Variants in NFATC2 observed in about 807,000 individuals in gnomAD.
The protein encoded by NFATC2 is nuclear factor of activated T cells 2.
A neutral mutation model predicts 87.3 loss-of-function variants in NFATC2; 22 were observed. The ratio of observed to expected loss-of-function variants is 0.25; its 90% CI spans 0.18 to 0.36. The LOEUF (loss-of-function observed/expected upper bound fraction) is 0.36. NFATC2 is among the 10% of genes least tolerant of loss of function. The pLI is 1.00. For missense variants in NFATC2, 1,149 were observed against 1,259.1 expected (o/e 0.91, Z 1.32); for synonymous variants, 565 against 542.2 (o/e 1.04, Z -0.58).
chr20:51,523,290 C>G lies in NFATC2; in HGVS notation c.951G>C (p.Gly317=). Residue 317 remains glycine, a synonymous_variant, in exon 2 of 11, where the codon GGG becomes GGC. Coordinates refer to ENST00000371564, the MANE Select transcript of NFATC2 (RefSeq NM_012340.5). This position sits in a 1 kb window ranked among gnomAD's most constrained non-coding sequence, Gnocchi z 6.9. ...LNSLATDSPC[G]IPPKMWKTSP... is the part of the protein sequence containing the mutation. ...TGGTCTTCCACATCTTGGGGGGGAT[C>G]CCACAAGGCGAGTCCGTGGCGAGGC... 1 of 1,613,832 alleles carries G rather than the reference C, an allele frequency of 6.2e-7. No homozygotes were observed. The highest frequency in any genetic ancestry group is 8.5e-7 in the Non-Finnish European group (1 of 1,179,834).
chr20:51,561,594 C>T (rs2077033772), intron 1 of NFATC2, among the ~76,000 whole-genome samples: 1 of 129,884 alleles, frequency 7.7e-6, no homozygotes, highest in Non-Finnish European at 1.6e-5. Context: ...ACACCCCGAA[C>T]TTTAATCAGC....
rs759968411 is a variant in NFATC2 at position 51,523,893 on chromosome 20, A to G, written c.348T>C (p.Thr116=). The G allele has an allele frequency of 5.0e-6, 8 of 1,605,690 alleles. No individual in the cohort carries two copies. The South Asian group carries it at 7.8e-5, about 16-fold the overall frequency. Residue 116 remains threonine (T), a synonymous_variant, in exon 2 of 11, where the codon ACT becomes ACC. Coordinates refer to ENST00000371564, the MANE Select transcript of NFATC2 (RefSeq NM_012340.5). The surrounding 1 kb of genome is among the most constrained non-coding windows in gnomAD (Gnocchi z 6.9). The stretch of plus-strand genomic sequence containing the variant: ...CTGCCTGGATCAGTTCGTGGGACGG[A>G]GTGATCTCGATCCGAGGGCTCAGGC... ...ASGLSPRIEI[T]PSHELIQAVG...
intron 9 of NFATC2, among the ~76,000 whole-genome samples, chr20:51,427,508 T>C (rs1982020733): frequency 6.6e-6 from 1 of 152,194 alleles, no homozygotes; most frequent in Non-Finnish European, 1.5e-5. Context: ...ATCATGCTCC[T>C]GTCACGGGAT....
At position 51,432,626 on chromosome 20, in the gene NFATC2, G is replaced by A; in HGVS notation, c.2163C>T (p.Leu721=). 4 of 1,532,818 alleles carry A rather than the reference G, an allele frequency of 2.6e-6. No individual in the cohort carries two copies. Among genetic ancestry groups the A allele is most frequent in the African/African-American group, 1.4e-5 (1 of 72,440 alleles). The allele number at this position is 1,532,818 out of a possible 1,614,324, so 95.0% of individuals were successfully genotyped here. ...HPMVAESPSC[L]VATMAPCQQF... is the part of the protein sequence containing the mutation. ...GCTGGCAGGGAGCCATGGTGGCCAC[G>A]AGGCAGGAGGGGGACTCGGCCACCA... Residue 721 remains leucine, a synonymous_variant, in exon 9 of 11, where the codon CTC becomes CTT. Coordinates refer to ENST00000371564, the MANE Select transcript of NFATC2 (RefSeq NM_012340.5). This position sits in a 1 kb window ranked among gnomAD's most constrained non-coding sequence, Gnocchi z 4.6.
chr20:51,518,227 G>A (rs773570108), intron 2 of NFATC2, among the ~76,000 whole-genome samples: 9 of 152,128 alleles, frequency 5.9e-5, no homozygotes, highest in Admixed American at 2.6e-4. Flanking sequence ...GCATCACTAT[G>A]GATTTATGTC....
chr20:51,446,915 C>T (rs1985136836), intron 6 of NFATC2, among the ~76,000 whole-genome samples: 1 of 152,122 alleles, frequency 6.6e-6, no homozygotes, highest in African/African-American at 2.4e-5. Flanking sequence ...TCTGACATTT[C>T]CCAGAGGGAA....
chr20:51,389,825 G>A lies in NFATC2; in HGVS notation c.*1671C>T, dbSNP rs931092242. 1 of 152,216 alleles carries A rather than the reference G, an allele frequency of 6.6e-6. No individual in the cohort carries two copies. Among genetic ancestry groups the A allele is most frequent in the African/African-American group, 2.4e-5 (1 of 41,452 alleles). The allele number at this position is 152,216 out of a possible 1,614,324, so 9.4% of individuals were successfully genotyped here. The stretch of plus-strand genomic sequence containing the variant: ...TTACAAAGCCCACAGTGGGCACTGA[G>A]TGGCCATGACTTTCTTCTGAGGCCT... On this transcript the variant is annotated 3_prime_UTR_variant, in exon 11 of 11. Coordinates refer to ENST00000371564, the MANE Select transcript of NFATC2 (RefSeq NM_012340.5).
intron 3 of NFATC2, among the ~76,000 whole-genome samples, chr20:51,496,430 C>T (rs563605498): frequency 2.6e-5 from 4 of 151,694 alleles, no homozygotes; most frequent in East Asian, 3.9e-4. Context: ...CCTGCAACCA[C>T]CCCCCGCCCC....
rs1240225151 is a variant in NFATC2, at chr20:51,521,583, A to G, written c.1160+1498T>C. On this transcript the variant is annotated intron_variant, in intron 2 of 10. Transcript: ENST00000371564. The stretch of plus-strand genomic sequence containing the variant: ...TGATTCGCCCACCTCGGCCTCCCAA[A>G]GTGCTGGGATTACAGGCGTGAGCCA... 2.0e-5 allele frequency among the ~76,000 whole-genome samples: 3 copies of G among 152,200 alleles called. No homozygotes were observed. The East Asian group carries it at 5.8e-4, about 29-fold the overall frequency.
chr20:51,525,466 C>T (rs1331584405), intron 1 of NFATC2, among the ~76,000 whole-genome samples: 1 of 152,132 alleles, frequency 6.6e-6, no homozygotes, highest in African/African-American at 2.4e-5. Context: ...TCACTGCATC[C>T]TGTACAGGTC....
chr20:51,520,282 T>G (rs757056017), intron 2 of NFATC2, among the ~76,000 whole-genome samples: 39 of 152,238 alleles, frequency 2.6e-4, no homozygotes, highest in Non-Finnish European at 5.6e-4. Context: ...GAGACTGACC[T>G]GTCTACGTAG....
rs567114776 is a variant in NFATC2, at chr20:51,552,932, C to A, written c.70+9628G>T. Among the ~76,000 whole-genome samples the A allele has an allele frequency of 1.1e-4, 16 of 152,240 alleles. No individual in the cohort carries two copies. The South Asian group carries it at 1.9e-3, about 18-fold the overall frequency. On this transcript the variant is annotated intron_variant, in intron 1 of 10. Transcript: ENST00000414705. ...AACCCATCACCTAGGTACTAAGCCC[C>A]ACATGCATTAGCTATTTATCCTGAT...
intron 9 of NFATC2, among the ~76,000 whole-genome samples, chr20:51,405,711 C>A (rs1988497092): frequency 6.6e-6 from 1 of 152,186 alleles, no homozygotes; most frequent in African/African-American, 2.4e-5. Flanking sequence ...GCACCTAGGA[C>A]AGAGCCCAGC....
chr20:51,445,224 C>T (rs987433109), intron 6 of NFATC2, among the ~76,000 whole-genome samples: 8 of 152,116 alleles, frequency 5.3e-5, no homozygotes, highest in African/African-American at 1.7e-4. Context: ...CCAGGCTGGG[C>T]TCTCACTCTC....
intron 10 of NFATC2, among the ~76,000 whole-genome samples, chr20:51,395,353 T>C (rs1288856985): frequency 7.3e-6 from 1 of 137,168 alleles, no homozygotes; most frequent in Non-Finnish European, 1.6e-5. Context: ...ACTTGTACGG[T>C]ATTGATCCTC....
chr20:51,424,096 C>T (rs1481529154), intron 9 of NFATC2, among the ~76,000 whole-genome samples: 6 of 152,142 alleles, frequency 3.9e-5, no homozygotes, highest in Non-Finnish European at 8.8e-5. Flanking sequence ...GGACAGATAC[C>T]TGCATATCGT....
intron 6 of NFATC2, among the ~76,000 whole-genome samples, chr20:51,453,253 C>T (rs1237927099): frequency 6.6e-6 from 1 of 152,250 alleles, no homozygotes; most frequent in Non-Finnish European, 1.5e-5. Flanking sequence ...GGAAGAAGCA[C>T]TCTTTGCCTA....
chr20:51,406,887 C>T (rs377504739), intron 9 of NFATC2, among the ~76,000 whole-genome samples: 12 of 152,268 alleles, frequency 7.9e-5, no homozygotes, highest in Middle Eastern at 6.8e-3. Context: ...ACTTGCTGGC[C>T]GCCTCGTCGG....
intron 1 of NFATC2, among the ~76,000 whole-genome samples, chr20:51,527,638 C>T (rs1401857094): frequency 6.6e-6 from 1 of 152,188 alleles, no homozygotes; most frequent in Non-Finnish European, 1.5e-5. Context: ...GAGGCAAGTT[C>T]AGAAAAGTCT....
Sources: gnomAD v4.1 joint callset for allele counts (sites outside exome capture counted in the v4.1 genomes callset) on GRCh38, gnomAD v4.1.1 for gene constraint, Gnocchi (gnomAD v3.1) non-coding constraint, MANE v1.5 for transcripts, NCBI Gene and HGNC (gene_info 2026-07-23, HGNC 2026-07-21) for gene names.